Variants in EXOC6B observed in about 807,000 individuals in gnomAD.
EXOC6B encodes exocyst complex component 6B, also known as SEC15 homolog B.
EXOC6B carries 54 observed loss-of-function variants against 113.5 expected under a neutral mutation model. The observed-to-expected ratio is 0.48, with a 90% CI of 0.38 to 0.60. The LOEUF is 0.60. Ranked by LOEUF, EXOC6B falls within the 20% of genes least tolerant of loss-of-function variation. The pLI, the probability that EXOC6B is intolerant of heterozygous loss-of-function variation, is 0.00. For missense variants in EXOC6B, 797 were observed against 977.5 expected, an observed-to-expected ratio of 0.82 and a Z score of 2.46; for synonymous variants, 357 against 339.0, an observed-to-expected ratio of 1.05 and a Z score of -0.58.
chr2:72,666,074 A>G (rs1675367335), intron 6 of EXOC6B, among the ~76,000 whole-genome samples: 1 of 152,214 alleles, frequency 6.6e-6, no homozygotes. Context: ...TAAACCAACA[A>G]CAAGCAAGAA....
At chr2:72,812,347 T>C (rs1413481896) in intron 1 of EXOC6B, among the ~76,000 whole-genome samples, 2 of 152,236 alleles carry the variant, frequency 1.3e-5, no homozygotes, top group Admixed American at 6.5e-5. Context: ...CAACCTTGTA[T>C]GCTAAATACA....
At chr2:72,725,260 AATC>A (rs373824653) in intron 5 of EXOC6B, among the ~76,000 whole-genome samples, 16 of 152,360 alleles carry the variant, frequency 1.1e-4, no homozygotes, top group African/African-American at 3.1e-4. Flanking sequence ...AAGACAATGA[AATC>A]ATCATGTCTT....
intron 18 of EXOC6B, among the ~76,000 whole-genome samples, chr2:72,429,449 C>T (rs1695394345): frequency 6.6e-6 from 1 of 152,190 alleles, no homozygotes. Context: ...TATATACATA[C>T]ATCAGATCTT....
intron 1 of EXOC6B, among the ~76,000 whole-genome samples, chr2:72,795,004 C>T (rs1177110528): frequency 6.6e-6 from 1 of 152,146 alleles, no homozygotes; most frequent in Non-Finnish European, 1.5e-5. Flanking sequence ...ACAATTAGTA[C>T]AGTGTGGCTA....
At chr2:72,636,661 T>C (rs1407685214) in intron 6 of EXOC6B, among the ~76,000 whole-genome samples, 2 of 152,178 alleles carry the variant, frequency 1.3e-5, no homozygotes, top group Non-Finnish European at 2.9e-5. Context: ...ATTCTCAGAA[T>C]ACTAGAAATA....
At chr2:72,414,375 G>C (rs1263618293) in intron 18 of EXOC6B, among the ~76,000 whole-genome samples, 1 of 152,140 alleles carries the variant, frequency 6.6e-6, no homozygotes, top group Non-Finnish European at 1.5e-5. Context: ...TGCTTCTCAA[G>C]TGTATGAATA....
At chr2:72,744,015 A>G (rs920951183) in intron 1 of EXOC6B, among the ~76,000 whole-genome samples, 2 of 152,164 alleles carry the variant, frequency 1.3e-5, no homozygotes, top group African/African-American at 4.8e-5. Flanking sequence ...TTGTAGTGCA[A>G]CACATTACCT....
At chr2:72,718,375 G>T in intron 5 of EXOC6B, 68 bp from the exon 6 acceptor site, 1 of 1,372,626 alleles carries the variant, frequency 7.3e-7, no homozygotes, top group Non-Finnish European at 1.0e-6. Flanking sequence ...TGTCTAGCCT[G>T]AATTGGTTTT....
intron 8 of EXOC6B, among the ~76,000 whole-genome samples, chr2:72,550,308 A>C (rs1305368308): frequency 6.6e-6 from 1 of 152,202 alleles, no homozygotes; most frequent in East Asian, 1.9e-4. Context: ...AAGAGAGGTA[A>C]CAAATTACAG....
At chr2:72,373,188 C>A (rs1488091487) in intron 19 of EXOC6B, among the ~76,000 whole-genome samples, 1 of 151,552 alleles carries the variant, frequency 6.6e-6, no homozygotes, top group African/African-American at 2.4e-5. Context: ...CCTGCCTCAG[C>A]CTCTCGAGTA....
intron 18 of EXOC6B, chr2:72,462,996 A>G (rs534580951): frequency 6.6e-6 from 1 of 152,100 alleles, no homozygotes; most frequent in Non-Finnish European, 1.5e-5. Flanking sequence ...TTTTTAAATC[A>G]AGAATGTAGC....
chr2:72,627,627 T>C (rs918412089), intron 6 of EXOC6B, among the ~76,000 whole-genome samples: 1 of 152,238 alleles, frequency 6.6e-6, no homozygotes, highest in Admixed American at 6.5e-5. Flanking sequence ...CCATGCATAA[T>C]TTGGCCACCT....
intron 20 of EXOC6B, among the ~76,000 whole-genome samples, chr2:72,213,036 T>C (rs940175680): frequency 1.5e-5 from 2 of 131,954 alleles, no homozygotes; most frequent in Non-Finnish European, 3.5e-5. Flanking sequence ...GCTATAGACC[T>C]TCTGAGGCTG....
chr2:72,289,224 A>G (rs719117), intron 20 of EXOC6B: 28,472 of 159,086 alleles, frequency 0.18, 2,845 homozygotes, highest in African/African-American at 0.26. Flanking sequence ...AGCAGGAACA[A>G]GGGGCCTTTG....
intron 6 of EXOC6B, among the ~76,000 whole-genome samples, chr2:72,597,571 T>C (rs547343951): frequency 1.3e-5 from 2 of 152,014 alleles, no homozygotes; most frequent in South Asian, 2.1e-4. Context: ...GTAATAAATA[T>C]AGTAGCTATT....
intron 6 of EXOC6B, among the ~76,000 whole-genome samples, chr2:72,667,732 A>C (rs552372341): frequency 3.4e-4 from 52 of 152,338 alleles, no homozygotes; most frequent in African/African-American, 1.1e-3. Context: ...CTCAAGATGG[A>C]CTAAAGAATT....
intron 20 of EXOC6B, among the ~76,000 whole-genome samples, chr2:72,231,389 A>G (rs1681610928): frequency 6.6e-6 from 1 of 152,208 alleles, no homozygotes; most frequent in Admixed American, 6.5e-5. Flanking sequence ...AAAGAAGAAA[A>G]TGGGGGTATT....
At chr2:72,502,402 G>C (rs1187373693) in intron 11 of EXOC6B, among the ~76,000 whole-genome samples, 2 of 152,120 alleles carry the variant, frequency 1.3e-5, no homozygotes, top group Non-Finnish European at 2.9e-5. Flanking sequence ...ACAAAACTTA[G>C]CTGAGCATGG....
intron 1 of EXOC6B, among the ~76,000 whole-genome samples, chr2:72,789,418 T>C (rs1056196379): frequency 2.6e-5 from 4 of 152,208 alleles, no homozygotes; most frequent in African/African-American, 9.7e-5. Flanking sequence ...TGGGCATGTT[T>C]GGTGGTTTGT....
Sources: allele counts gnomAD v4.1 joint callset (sites outside exome capture counted in the v4.1 genomes callset), GRCh38; gene constraint gnomAD v4.1.1; transcripts MANE v1.5; gene names NCBI Gene and HGNC (gene_info 2026-07-23, HGNC 2026-07-21).